The following RBFOX1 variants were observed in gnomAD, a reference collection of about 807,000 sequenced individuals.
The protein encoded by RBFOX1 is RNA binding protein fox-1 homolog 1.
A neutral mutation model predicts 57.7 loss-of-function variants in RBFOX1; 8 were observed. The ratio of observed to expected loss-of-function variants is 0.14; its 90% confidence interval spans 0.08 to 0.25. RBFOX1 has a LOEUF of 0.25. RBFOX1 is among the 10% of genes least tolerant of loss of function. RBFOX1 has a pLI of 1.00. For synonymous variants in RBFOX1, 326 were observed against 222.4 expected, an observed-to-expected ratio of 1.47 and a Z score of -4.15; for missense variants, 611 against 548.5, an observed-to-expected ratio of 1.11 and a Z score of -1.14.
At chr16:5,704,759 G>C (rs953953756) in intron 3 of RBFOX1, among the ~76,000 whole-genome samples, 9 of 152,168 alleles carry the variant, frequency 5.9e-5, no homozygotes, top group Admixed American at 5.2e-4. Flanking sequence ...CAGCTTGGCC[G>C]GGTTACTATG....
intron 2 of RBFOX1, among the ~76,000 whole-genome samples, chr16:6,647,380 G>A (rs1163809798): frequency 1.3e-5 from 2 of 152,128 alleles, no homozygotes; most frequent in Non-Finnish European, 2.9e-5. Context: ...AAGTAGCTGG[G>A]ATTATAGATG....
chr16:6,757,411 A>G (rs568686402), intron 3 of RBFOX1, among the ~76,000 whole-genome samples: 202 of 152,312 alleles, frequency 1.3e-3, no homozygotes, highest in African/African-American at 4.7e-3. Context: ...CCATTAAGAG[A>G]CGATTAGATT....
chr16:6,831,323 G>GT (rs1452731038), intron 3 of RBFOX1, among the ~76,000 whole-genome samples: 1 of 152,068 alleles, frequency 6.6e-6, no homozygotes, highest in Non-Finnish European at 1.5e-5. Context: ...GGACTCTCCT[G>GT]TTTTTTCCAA....
chr16:7,053,007 C>CG (rs1568556008), intron 4 of RBFOX1, among the ~76,000 whole-genome samples: 5 of 151,796 alleles, frequency 3.3e-5, no homozygotes, highest in Non-Finnish European at 7.4e-5. Flanking sequence ...TTAGGAAACT[C>CG]CTGTGCCCAA....
At chr16:5,458,762 C>G (rs2068705151) in intron 1 of RBFOX1, among the ~76,000 whole-genome samples, 1 of 152,220 alleles carries the variant, frequency 6.6e-6, no homozygotes, top group African/African-American at 2.4e-5. Context: ...ACCTATTCAT[C>G]TCTGCCTTCA....
At chr16:5,403,420 G>C (rs1312408713) in intron 1 of RBFOX1, among the ~76,000 whole-genome samples, 1 of 151,368 alleles carries the variant, frequency 6.6e-6, no homozygotes, top group Admixed American at 6.6e-5. Flanking sequence ...GTAATGCACT[G>C]CTTGTAATAT....
intron 4 of RBFOX1, among the ~76,000 whole-genome samples, chr16:5,928,808 C>A (rs1375761300): frequency 2.0e-5 from 3 of 152,008 alleles, no homozygotes; most frequent in Non-Finnish European, 4.4e-5. Context: ...TCTTTCCCAC[C>A]CTGGCTTTGG....
chr16:6,796,313 C>T (rs6500837), intron 3 of RBFOX1, among the ~76,000 whole-genome samples: 1 of 151,904 alleles, frequency 6.6e-6, no homozygotes, highest in Non-Finnish European at 1.5e-5. Context: ...GGAATTGTGG[C>T]AGTTACAATT....
intron 1 of RBFOX1, among the ~76,000 whole-genome samples, chr16:6,031,351 C>A (rs1399324761): frequency 6.6e-6 from 1 of 152,194 alleles, no homozygotes; most frequent in Non-Finnish European, 1.5e-5. Context: ...ATGTGGCTGG[C>A]AAAGCCTGCA....
In RBFOX1 at chr16:6,643,626, A is replaced by G. The variant is rs184868942; in HGVS notation, c.-63-10977A>G. 3.7e-3 allele frequency among the ~76,000 whole-genome samples: 562 copies of G among 152,318 alleles called. 13 individuals are homozygous for G. The highest frequency in any genetic ancestry group is 0.033 in the Admixed American group (504 of 15,294). On this transcript the variant is annotated intron_variant, in intron 2 of 15. Transcript: ENST00000550418. ...TTAAATATTCAAATTCAAGCACAGTATATTGTGTAAGGGAGAGTATAAAAT... is the reference window on the plus strand; with the variant it reads ...TTAAATATTCAAATTCAAGCACAGTGTATTGTGTAAGGGAGAGTATAAAAT...
intron 3 of RBFOX1, among the ~76,000 whole-genome samples, chr16:6,864,062 C>T (rs75566174): frequency 6.7e-6 from 1 of 148,894 alleles, no homozygotes; most frequent in Non-Finnish European, 1.5e-5. Context: ...GCTGAACCTT[C>T]TTCAGACTAC....
intron 2 of RBFOX1, among the ~76,000 whole-genome samples, chr16:6,443,868 A>ATCCC (rs949025212): frequency 4.6e-5 from 7 of 151,810 alleles, no homozygotes; most frequent in African/African-American, 1.7e-4. Flanking sequence ...CCATCCATCC[A>ATCCC]TCCCTCCATC....
At chr16:7,201,308 A>T (rs183934151) in intron 4 of RBFOX1, among the ~76,000 whole-genome samples, 1 of 152,286 alleles carries the variant, frequency 6.6e-6, no homozygotes, top group Non-Finnish European at 1.5e-5. Flanking sequence ...AGAAGAGGTG[A>T]AGTCACCAGC....
intron 1 of RBFOX1, among the ~76,000 whole-genome samples, chr16:6,172,825 A>G (rs2096971642): frequency 6.6e-6 from 1 of 152,178 alleles, no homozygotes; most frequent in Non-Finnish European, 1.5e-5. Flanking sequence ...GGTGGATACA[A>G]CAACACAGAT....
chr16:6,183,944 C>T (rs890283984), intron 1 of RBFOX1, among the ~76,000 whole-genome samples: 3 of 152,160 alleles, frequency 2.0e-5, no homozygotes, highest in Non-Finnish European at 2.9e-5. Context: ...CTGGTAAAGA[C>T]ATACCTGAGA....
At chr16:6,313,574 A>G (rs1045282826) in intron 1 of RBFOX1, among the ~76,000 whole-genome samples, 1 of 152,154 alleles carries the variant, frequency 6.6e-6, no homozygotes, top group Non-Finnish European at 1.5e-5. Flanking sequence ...TCGGTTTGCT[A>G]TTTTGTGCAT....
chr16:7,453,887 C>G (rs9922826), intron 4 of RBFOX1, among the ~76,000 whole-genome samples: 1,692 of 152,248 alleles, frequency 0.011, 39 homozygotes, highest in African/African-American at 0.039. Context: ...TAGAAGTTGT[C>G]CTCGCAAAGA....
intron 3 of RBFOX1, among the ~76,000 whole-genome samples, chr16:6,860,345 A>G (rs182165151): frequency 4.6e-5 from 7 of 152,268 alleles, no homozygotes; most frequent in African/African-American, 1.4e-4. Flanking sequence ...TGGGGGTGGT[A>G]ATATTTGGGA....
intron 4 of RBFOX1, among the ~76,000 whole-genome samples, chr16:7,420,491 A>G (rs527958044): frequency 2.0e-5 from 3 of 152,200 alleles, no homozygotes; most frequent in Admixed American, 6.5e-5. Context: ...AAATCGATAC[A>G]TCTCTTGTCA....
Sources: allele counts gnomAD v4.1 joint callset (sites outside exome capture counted in the v4.1 genomes callset), GRCh38; gene constraint gnomAD v4.1.1; transcripts MANE v1.5; gene names NCBI Gene and HGNC (gene_info 2026-07-23, HGNC 2026-07-21).